Variants in MCC observed in about 807,000 individuals in gnomAD.
MCC encodes colorectal mutant cancer protein.
Under a neutral mutation model 116.2 loss-of-function variants are expected in MCC, and 90 were observed. That is an observed-to-expected ratio of 0.77 (90% CI 0.65 to 0.92). The LOEUF is 0.92. Ranked by LOEUF, MCC falls within the 40% of genes least tolerant of loss-of-function variation. MCC has a pLI of 0.00. For missense variants in MCC, 1,516 were observed against 1,312.2 expected (o/e 1.16, Z -2.40); for synonymous variants, 578 against 510.5 (o/e 1.13, Z -1.78).
At chr5:113,155,486 A>T (rs962969074) in intron 3 of MCC, among the ~76,000 whole-genome samples, 1 of 152,196 alleles carries the variant, frequency 6.6e-6, no homozygotes, top group Non-Finnish European at 1.5e-5. Context: ...GGTTGTCCTA[A>T]TTTACATTCC....
intron 3 of MCC, among the ~76,000 whole-genome samples, chr5:113,222,346 T>C (rs2150329756): frequency 6.6e-6 from 1 of 152,354 alleles, no homozygotes; most frequent in African/African-American, 2.4e-5. Context: ...TACATCCATG[T>C]TCACAAAGAT....
At chr5:113,372,785 C>T (rs531302900) in intron 2 of MCC, among the ~76,000 whole-genome samples, 2 of 152,202 alleles carry the variant, frequency 1.3e-5, no homozygotes, top group South Asian at 2.1e-4. Context: ...TTTAACTCCC[C>T]GGGCTCAAGC....
intron 2 of MCC, among the ~76,000 whole-genome samples, chr5:113,383,022 T>A (rs945402971): frequency 1.3e-5 from 2 of 152,218 alleles, no homozygotes; most frequent in African/African-American, 4.8e-5. Flanking sequence ...TGTTTTTCAA[T>A]CCTTTCTCTG....
intron 1 of MCC, among the ~76,000 whole-genome samples, chr5:113,479,075 A>T (rs536121942): frequency 2.3e-4 from 35 of 152,232 alleles, no homozygotes; most frequent in African/African-American, 7.7e-4. Context: ...ATACAACCTA[A>T]ATGTCCATCA....
At chr5:113,482,106 T>C (rs1409007087) in intron 1 of MCC, among the ~76,000 whole-genome samples, 3 of 152,228 alleles carry the variant, frequency 2.0e-5, no homozygotes, top group Admixed American at 2.0e-4. Context: ...TCATTCCTTT[T>C]TATGGTTGAA....
chr5:113,404,029 G>A (rs1231886434), intron 1 of MCC, among the ~76,000 whole-genome samples: 13 of 152,060 alleles, frequency 8.5e-5, no homozygotes, highest in Admixed American at 8.5e-4. Flanking sequence ...ATCATGCCCA[G>A]CTAATTTTTG....
intron 12 of MCC, among the ~76,000 whole-genome samples, chr5:113,068,902 C>T (rs1344899166): frequency 1.3e-5 from 2 of 152,166 alleles, no homozygotes; most frequent in African/African-American, 4.8e-5. Context: ...ACTAAGCCAC[C>T]CCCAGGTTCC....
chr5:113,197,614 G>T (rs1055584284), intron 3 of MCC, among the ~76,000 whole-genome samples: 8 of 152,310 alleles, frequency 5.3e-5, no homozygotes, highest in Middle Eastern at 3.4e-3. Flanking sequence ...TGGGTCGTGG[G>T]AGGCCAAAAC....
At chr5:113,135,089 G>GCCAC (rs1561388337) in intron 5 of MCC, among the ~76,000 whole-genome samples, 1 of 151,188 alleles carries the variant, frequency 6.6e-6, no homozygotes, top group Non-Finnish European at 1.5e-5. Context: ...ACAGGCGTCT[G>GCCAC]CCACCACACC....
rs151183145 is a variant in MCC, at chr5:113,046,685, CA to C, written c.2655+2407del. Among the ~76,000 whole-genome samples the C allele has an allele frequency of 1.4e-3, 83 of 58,380 alleles. 1 individual carries two copies. Among genetic ancestry groups the C allele is most frequent in the Middle Eastern group, 0.014 (1 of 72 alleles). The allele number at this position is 58,380 out of a possible 152,430, so 38.3% of individuals were successfully genotyped here. A position where few individuals can be genotyped will look rare whatever the true frequency, so the allele number is the denominator to read the frequency against. ...ACTGACTGCTAACAAACTCAAAAGG[CA>C]AAAAAAAAAAAAAAAAAAAAAAAAA... On this transcript the variant is annotated intron_variant, in intron 16 of 18. Transcript: ENST00000408903.
At chr5:113,283,022 A>G (rs1271677224) in intron 3 of MCC, among the ~76,000 whole-genome samples, 1 of 152,242 alleles carries the variant, frequency 6.6e-6, no homozygotes, top group Non-Finnish European at 1.5e-5. Flanking sequence ...TAGTCAGGCC[A>G]CAAGTAGAGT....
chr5:113,057,985 C>A (rs945799605), intron 14 of MCC, among the ~76,000 whole-genome samples: 1 of 152,176 alleles, frequency 6.6e-6, no homozygotes, highest in Admixed American at 6.5e-5. Flanking sequence ...GGAATGAAAT[C>A]CTTCCTTGTA....
intron 9 of MCC, among the ~76,000 whole-genome samples, chr5:113,084,617 CAGAGCT>C (rs72270558): frequency 0.11 from 16,912 of 152,164 alleles, 2,281 homozygotes; most frequent in African/African-American, 0.33. Context: ...TGGTGGCTAG[CAGAGCT>C]ACCAGGCAAG....
In MCC at chr5:113,024,953, C is replaced by CT. The variant is rs1259067362; in HGVS notation, c.*2348dup. 4 of 152,082 alleles carry CT rather than the reference C, an allele frequency of 2.6e-5. No individual in the cohort carries two copies. Among genetic ancestry groups the CT allele is most frequent in the Admixed American group, 2.6e-4 (4 of 15,276 alleles). 9.4% of individuals were successfully genotyped at this position (152,082 alleles called of 1,614,324 possible). ...CAAATCACATTTGAAAGTACTAAAA[C>CT]TAAGGTCAGGTAGCATGAGTAAAAC... On this transcript the variant is annotated 3_prime_UTR_variant, in exon 19 of 19. Transcript: ENST00000408903.
intron 2 of MCC, among the ~76,000 whole-genome samples, chr5:113,362,633 T>C (rs1359177812): frequency 2.0e-5 from 3 of 152,164 alleles, no homozygotes; most frequent in Non-Finnish European, 1.5e-5. Context: ...AATTTTTTGC[T>C]TTTGTATTTT....
intron 2 of MCC, among the ~76,000 whole-genome samples, chr5:113,372,701 T>C (rs768127356): frequency 2.8e-4 from 43 of 152,146 alleles, no homozygotes; most frequent in Non-Finnish European, 4.9e-4. Flanking sequence ...ACACTGTTAA[T>C]CTTTTTCAGA....
intron 1 of MCC, among the ~76,000 whole-genome samples, chr5:113,401,077 G>T (rs1375855347): frequency 1.3e-5 from 2 of 152,098 alleles, no homozygotes; most frequent in Non-Finnish European, 2.9e-5. Context: ...AAAATTATTT[G>T]GGAAATGAAC....
chr5:113,387,359 C>A (rs1485399619), intron 1 of MCC, among the ~76,000 whole-genome samples: 1 of 152,136 alleles, frequency 6.6e-6, no homozygotes, highest in Non-Finnish European at 1.5e-5. Context: ...GTAATATTTT[C>A]ATATAATATT....
At chr5:113,083,395 G>C (rs560448909) in intron 10 of MCC, among the ~76,000 whole-genome samples, 3 of 152,258 alleles carry the variant, frequency 2.0e-5, no homozygotes, top group African/African-American at 7.2e-5. Context: ...GAGAGGGGCT[G>C]ACTCCTTCAT....
Sources: gnomAD v4.1 joint callset for allele counts (sites outside exome capture counted in the v4.1 genomes callset) on GRCh38, gnomAD v4.1.1 for gene constraint, MANE v1.5 for transcripts, NCBI Gene and HGNC (gene_info 2026-07-23, HGNC 2026-07-21) for gene names.